ARNT2: variants seen among roughly 807,000 people sequenced by gnomAD.
The protein encoded by ARNT2 is ARNT protein 2.
In ARNT2, 36 loss-of-function variants were observed where a neutral mutation model predicts 91.7. That is an observed-to-expected ratio of 0.39 (90% confidence interval 0.30 to 0.52). The LOEUF (loss-of-function observed/expected upper bound fraction) is 0.52. ARNT2 is among the 20% of genes least tolerant of loss of function. The pLI is 0.72. For synonymous variants in ARNT2, 365 were observed against 347.1 expected, an observed-to-expected ratio of 1.05 and a Z score of -0.57; for missense variants, 775 against 939.3, an observed-to-expected ratio of 0.83 and a Z score of 2.29.
At position 80,404,391 on chromosome 15, in the gene ARNT2, C is replaced by A; in HGVS notation, c.-125C>A. The A allele has an allele frequency of 2.1e-6, 1 of 475,838 alleles. No homozygotes were observed. Among genetic ancestry groups the A allele is most frequent in the Non-Finnish European group, 2.8e-6 (1 of 358,270 alleles). 29.5% of individuals were successfully genotyped at this position (475,838 alleles called of 1,614,324 possible). On this transcript the variant is annotated 5_prime_UTR_variant, in exon 1 of 19. Transcript: ENST00000303329. This position sits in a 1 kb window ranked among gnomAD's most constrained non-coding sequence, Gnocchi z 5.5. The stretch of plus-strand genomic sequence containing the variant: ...GGAGAGCGGAGGGAGCGCCGCCCGC[C>A]CGCGCCGTCCTTTGTGTGGCGGCGG...
At chr15:80,457,874 C>A in intron 2 of ARNT2, 55 bp from the exon 3 acceptor site, 1 of 1,586,610 alleles carries the variant, frequency 6.3e-7, no homozygotes, top group Non-Finnish European at 8.6e-7. Flanking sequence ...GCTCCTGTTA[C>A]CAGTTAAAAT....
intron 17 of ARNT2, among the ~76,000 whole-genome samples, chr15:80,583,339 C>G (rs964892952): frequency 2.6e-5 from 4 of 152,192 alleles, no homozygotes; most frequent in African/African-American, 9.6e-5. Context: ...TTCCCTGCCC[C>G]AACCATCCAG....
At chr15:80,566,534 G>A (rs1044911084) in intron 12 of ARNT2, among the ~76,000 whole-genome samples, 8 of 152,092 alleles carry the variant, frequency 5.3e-5, no homozygotes, top group South Asian at 2.1e-4. Context: ...TCCTGATCTC[G>A]GAGAATCCCT....
intron 17 of ARNT2, 82 bp downstream of exon 17, chr15:80,581,486 T>C: frequency 6.4e-7 from 1 of 1,561,386 alleles, no homozygotes. Context: ...GAGGCTGAGC[T>C]CCAAGCTCCC....
intron 6 of ARNT2, among the ~76,000 whole-genome samples, chr15:80,509,311 A>G (rs919571918): frequency 6.6e-6 from 1 of 151,998 alleles, no homozygotes; most frequent in Non-Finnish European, 1.5e-5. Flanking sequence ...ATGTGGTGGC[A>G]CACACCTGTA....
intron 8 of ARNT2, among the ~76,000 whole-genome samples, chr15:80,549,601 A>T (rs1039692811): frequency 4.6e-5 from 7 of 152,246 alleles, no homozygotes; most frequent in African/African-American, 1.7e-4. Context: ...ATAAAAAGTA[A>T]TGTTCAAACT....
At chr15:80,445,582 G>T (rs1896285580) in intron 1 of ARNT2, among the ~76,000 whole-genome samples, 1 of 151,858 alleles carries the variant, frequency 6.6e-6, no homozygotes, top group Non-Finnish European at 1.5e-5. Flanking sequence ...CCTGAGAGGA[G>T]GTGGGTGGGA....
intron 1 of ARNT2, among the ~76,000 whole-genome samples, chr15:80,433,277 ATTTTAT>A (rs1471250926): frequency 0.01 from 1,458 of 139,314 alleles, 12 homozygotes; most frequent in Middle Eastern, 0.018. Context: ...ATTTTATTTT[ATTTTAT>A]TTTATTTTAT....
At chr15:80,426,220 A>G (rs1179028108) in intron 1 of ARNT2, among the ~76,000 whole-genome samples, 1 of 152,206 alleles carries the variant, frequency 6.6e-6, no homozygotes, top group East Asian at 1.9e-4. Flanking sequence ...CATTTATTGG[A>G]TGCATGGATA....
At chr15:80,422,566 G>T (rs968818585) in intron 1 of ARNT2, among the ~76,000 whole-genome samples, 1 of 152,168 alleles carries the variant, frequency 6.6e-6, no homozygotes, top group African/African-American at 2.4e-5. Flanking sequence ...TGTACTTCTG[G>T]AAGATTTAAG....
Position 80,436,305 on chromosome 15 carries a change from G to C in ARNT2, c.32-14575G>C, listed in dbSNP as rs74744506. 4.7e-4 allele frequency: 72 copies of C among 154,584 alleles called. No homozygotes were observed. In the East Asian group the frequency reaches 0.011, roughly 24 times the overall value. 9.6% of individuals were successfully genotyped at this position (154,584 alleles called of 1,614,324 possible). ...AATCTCAAAGAAGGCGACAAGGAAA[G>C]CATGGCCATCACTGAAGGGTGTGGT... On this transcript the variant is annotated intron_variant, in intron 1 of 18. Transcript: ENST00000303329.
chr15:80,408,689 A>G (rs376453666), intron 1 of ARNT2, among the ~76,000 whole-genome samples: 5 of 152,106 alleles, frequency 3.3e-5, no homozygotes, highest in Admixed American at 2.6e-4. Context: ...GTTGAGCCCA[A>G]TTTCTCTATA....
At chr15:80,473,680 T>G (rs1460669255) in intron 4 of ARNT2, among the ~76,000 whole-genome samples, 1 of 152,214 alleles carries the variant, frequency 6.6e-6, no homozygotes, top group African/African-American at 2.4e-5. Flanking sequence ...GCTTCTGCCC[T>G]GGTTTCCCAG....
chr15:80,460,585 C>T (rs990939509), intron 3 of ARNT2, among the ~76,000 whole-genome samples: 62 of 152,184 alleles, frequency 4.1e-4, no homozygotes, highest in Non-Finnish European at 1.9e-4. Flanking sequence ...TCATGCCATT[C>T]GGGGAGCTGT....
chr15:80,410,510 C>T (rs1374941972), intron 1 of ARNT2, among the ~76,000 whole-genome samples: 3 of 152,100 alleles, frequency 2.0e-5, no homozygotes, highest in Non-Finnish European at 4.4e-5. Flanking sequence ...GACACATGCT[C>T]CCAGAGATCT....
intron 4 of ARNT2, among the ~76,000 whole-genome samples, chr15:80,473,220 C>T (rs1373702764): frequency 1.3e-5 from 2 of 152,144 alleles, no homozygotes; most frequent in Non-Finnish European, 2.9e-5. Context: ...AGAATACATG[C>T]TCTTAACCGT....
intron 8 of ARNT2, among the ~76,000 whole-genome samples, chr15:80,549,957 T>C (rs1246256861): frequency 6.6e-6 from 1 of 152,224 alleles, no homozygotes; most frequent in Non-Finnish European, 1.5e-5. Context: ...AAACGTCCAG[T>C]ATTTAGTGGT....
At chr15:80,448,419 G>A (rs916249250) in intron 1 of ARNT2, among the ~76,000 whole-genome samples, 1 of 152,204 alleles carries the variant, frequency 6.6e-6, no homozygotes, top group African/African-American at 2.4e-5. Context: ...ATCTCTCTTT[G>A]CCTTGCTCCC....
At chr15:80,477,799 C>G (rs8023406) in intron 5 of ARNT2, among the ~76,000 whole-genome samples, 1 of 152,042 alleles carries the variant, frequency 6.6e-6, no homozygotes, top group African/African-American at 2.4e-5. Flanking sequence ...CTAATTTTAG[C>G]GGGGAACACA....
Sources: gnomAD v4.1 joint callset for allele counts (sites outside exome capture counted in the v4.1 genomes callset) on GRCh38, gnomAD v4.1.1 for gene constraint, Gnocchi (gnomAD v3.1) non-coding constraint, MANE v1.5 for transcripts, NCBI Gene and HGNC (gene_info 2026-07-23, HGNC 2026-07-21) for gene names.